The following PPP2R2B variants were observed in gnomAD, a reference collection of about 807,000 sequenced individuals.
PPP2R2B encodes serine/threonine-protein phosphatase 2A 55 kDa regulatory subunit B beta isoform.
Under a neutral mutation model 46.0 loss-of-function variants are expected in PPP2R2B, and 5 were observed. That is an observed-to-expected ratio of 0.11 (90% CI 0.06 to 0.23). The LOEUF is 0.23. PPP2R2B is among the 10% of genes least tolerant of loss of function. The pLI is 1.00. For missense variants in PPP2R2B, 367 were observed against 575.0 expected (o/e 0.64, Z 3.70); for synonymous variants, 215 against 206.7 (o/e 1.04, Z -0.34).
chr5:146,670,999 A>G (rs549740191), intron 5 of PPP2R2B, among the ~76,000 whole-genome samples: 73 of 152,306 alleles, frequency 4.8e-4, no homozygotes, highest in African/African-American at 1.6e-3. Context: ...GTCAGTTCTC[A>G]GTTTAAAAAA....
intron 1 of PPP2R2B, among the ~76,000 whole-genome samples, chr5:146,894,114 G>C (rs1762573062): frequency 6.6e-6 from 1 of 152,116 alleles, no homozygotes; most frequent in Non-Finnish European, 1.5e-5. Flanking sequence ...AGTTAGCCTG[G>C]ATCAGTATCA....
rs1048208514 is a variant in PPP2R2B at position 146,669,836 on chromosome 5, C to T, written c.448-19112G>A. On this transcript the variant is annotated intron_variant, in intron 5 of 9. Transcript: ENST00000394411. ...ATCAGCAGAACTAGGATTCAAATACCATCTGAACCTTACAGAGAATGGTCA... is the reference window on the plus strand; with the variant it reads ...ATCAGCAGAACTAGGATTCAAATACTATCTGAACCTTACAGAGAATGGTCA... Among the ~76,000 whole-genome samples the T allele has an allele frequency of 5.3e-5, 8 of 152,256 alleles. No homozygotes were observed. In the East Asian group the frequency reaches 1.5e-3, roughly 29 times the overall value.
At chr5:147,051,753 C>CTTTT (rs60522229) in intron 1 of PPP2R2B, among the ~76,000 whole-genome samples, 14 of 92,376 alleles carry the variant, frequency 1.5e-4, no homozygotes, top group African/African-American at 3.7e-4. Flanking sequence ...GTTTTGCTTC[C>CTTTT]TTTTTTTTTT....
chr5:146,600,572 G>C (rs1771684557), intron 7 of PPP2R2B, 112 bp from the exon 8 acceptor site: 1 of 1,022,308 alleles, frequency 9.8e-7, no homozygotes, highest in Non-Finnish European at 1.4e-6. Context: ...AAGTAGGGCT[G>C]GTGTCTGCAG....
upstream of PPP2R2B, among the ~76,000 whole-genome samples, chr5:146,883,330 C>T (rs1231727504): frequency 6.6e-6 from 1 of 152,216 alleles, no homozygotes; most frequent in Non-Finnish European, 1.5e-5. Context: ...AATGACCCTT[C>T]TTCCTCCTGC....
chr5:146,988,065 A>T (rs1753513158), intron 1 of PPP2R2B, among the ~76,000 whole-genome samples: 1 of 152,020 alleles, frequency 6.6e-6, no homozygotes. Flanking sequence ...CAGCCGGAGG[A>T]TATAACAGTT....
intron 1 of PPP2R2B, among the ~76,000 whole-genome samples, chr5:146,908,366 A>ACT (rs1330962347): frequency 1.3e-5 from 2 of 152,188 alleles, no homozygotes; most frequent in Non-Finnish European, 2.9e-5. Context: ...GCAGTACTCA[A>ACT]CAGGCACACA....
intron 2 of PPP2R2B, among the ~76,000 whole-genome samples, chr5:146,799,513 T>C (rs1474927113): frequency 6.6e-6 from 1 of 152,238 alleles, no homozygotes; most frequent in African/African-American, 2.4e-5. Flanking sequence ...TCTGCCATGC[T>C]GCACAATGGC....
intron 2 of PPP2R2B, among the ~76,000 whole-genome samples, chr5:146,816,580 CATG>C (rs891614749): frequency 5.9e-5 from 9 of 152,286 alleles, no homozygotes; most frequent in Admixed American, 5.9e-4. Context: ...ATGCATTCAA[CATG>C]ATTTCAATTT....
intron 2 of PPP2R2B, among the ~76,000 whole-genome samples, chr5:146,749,606 C>CTTTTTTTTTTTTTTTTTT (rs1045634394): frequency 5.8e-5 from 6 of 103,850 alleles, no homozygotes; most frequent in Non-Finnish European, 8.2e-5. Flanking sequence ...CTTTTCTTTT[C>CTTTTTTTTTTTTTTTTTT]TTTTTTTTTT....
chr5:146,943,163 A>G (rs1187470795), intron 1 of PPP2R2B, among the ~76,000 whole-genome samples: 2 of 152,082 alleles, frequency 1.3e-5, no homozygotes, highest in Admixed American at 6.5e-5. Context: ...CCATCCACAC[A>G]TGTTTTTAGT....
At chr5:146,685,166 A>G (rs1319878581) in intron 5 of PPP2R2B, among the ~76,000 whole-genome samples, 2 of 152,002 alleles carry the variant, frequency 1.3e-5, no homozygotes, top group Non-Finnish European at 2.9e-5. Flanking sequence ...TGTTGTTTAA[A>G]TCAAGTGCCA....
At chr5:146,884,042 A>T (rs1285356322) in intron 1 of PPP2R2B, among the ~76,000 whole-genome samples, 1 of 149,348 alleles carries the variant, frequency 6.7e-6, no homozygotes, top group South Asian at 2.1e-4. Context: ...CCATGGTAGG[A>T]TATTTATATC....
chr5:146,793,205 A>T (rs984225685), intron 2 of PPP2R2B, among the ~76,000 whole-genome samples: 1 of 152,196 alleles, frequency 6.6e-6, no homozygotes, highest in African/African-American at 2.4e-5. Context: ...TAGAAGGATG[A>T]AGTTGTTATC....
chr5:146,805,988 TAAAG>T (rs1401984067), intron 2 of PPP2R2B, among the ~76,000 whole-genome samples: 7 of 152,110 alleles, frequency 4.6e-5, no homozygotes, highest in Non-Finnish European at 1.0e-4. Context: ...ATAAAGCCAA[TAAAG>T]AAGTAACATC....
chr5:147,001,503 A>G (rs1335156261), intron 1 of PPP2R2B, among the ~76,000 whole-genome samples: 2 of 152,178 alleles, frequency 1.3e-5, no homozygotes, highest in Non-Finnish European at 2.9e-5. Context: ...AACTCTGGAC[A>G]CATCTGAACG....
intron 2 of PPP2R2B, among the ~76,000 whole-genome samples, chr5:146,872,099 C>A (rs1761647832): frequency 6.6e-6 from 1 of 152,170 alleles, no homozygotes; most frequent in Admixed American, 6.5e-5. Context: ...TTTCATTGGG[C>A]ATTACCAATA....
At position 146,624,632 on chromosome 5, in the gene PPP2R2B, T is replaced by TCAATC. The variant is rs546590167; in HGVS notation, c.790+13614_790+13618dup. 4.0e-3 allele frequency among the ~76,000 whole-genome samples: 612 copies of TCAATC among 152,254 alleles called. 9 individuals are homozygous for TCAATC. Among genetic ancestry groups the TCAATC allele is most frequent in the African/African-American group, 0.013 (556 of 41,542 alleles). On this transcript the variant is annotated intron_variant, in intron 7 of 9. Coordinates refer to ENST00000394411, the MANE Select transcript of PPP2R2B (RefSeq NM_181675.4). ...ACAGAGTGACATATTAAAAGTATAATCAATCATCCTCTTTACACCAAGCCC... is the reference window on the plus strand; with the variant it reads ...ACAGAGTGACATATTAAAAGTATAATCAATCCAATCATCCTCTTTACACCAAGCCC...
At chr5:146,602,546 G>T (rs1234341570) in intron 7 of PPP2R2B, among the ~76,000 whole-genome samples, 1 of 152,210 alleles carries the variant, frequency 6.6e-6, no homozygotes, top group Non-Finnish European at 1.5e-5. Flanking sequence ...CCTGCAGGTT[G>T]CTGAGTTAAC....
Sources: gnomAD v4.1 joint callset for allele counts (sites outside exome capture counted in the v4.1 genomes callset) on GRCh38, gnomAD v4.1.1 for gene constraint, MANE v1.5 for transcripts, NCBI Gene and HGNC (gene_info 2026-07-23, HGNC 2026-07-21) for gene names.